ZNF862: variants seen among roughly 807,000 people sequenced by gnomAD.
ZNF862 encodes the protein zinc finger protein 862.
ZNF862 carries 64 observed loss-of-function variants against 91.1 expected under a neutral mutation model. That is an observed-to-expected ratio of 0.70 (90% CI 0.57 to 0.87). The LOEUF is 0.87. ZNF862 is among the 40% of genes least tolerant of loss of function. ZNF862 has a pLI of 0.00. For missense variants in ZNF862, 1,459 were observed against 1,528.0 expected (o/e 0.95, Z 0.75); for synonymous variants, 631 against 618.1 (o/e 1.02, Z -0.31).
At position 149,846,130 on chromosome 7, in the gene ZNF862, CTT is replaced by C. The variant is rs34196240; in HGVS notation, c.137-10_137-9del. 3,915 of 1,321,660 alleles carry C rather than the reference CTT, an allele frequency of 3.0e-3. No individual in the cohort carries two copies. Among genetic ancestry groups the C allele is most frequent in the Admixed American group, 3.8e-3 (193 of 51,428 alleles). 81.9% of individuals were successfully genotyped at this position (1,321,660 alleles called of 1,614,324 possible). A position where few individuals can be genotyped will look rare whatever the true frequency, so the allele number is the denominator to read the frequency against. ...AGTGCTTTTCTCTCTCTCTCGCTCT[CTT>C]TTTTTTTTTTGGACTCAGGACCAAC... On this transcript the variant is annotated intron_variant, in intron 2 of 7. Transcript: ENST00000223210.
intron 4 of ZNF862, among the ~76,000 whole-genome samples, 171 bp from the exon 5 acceptor site, chr7:149,849,990 G>C (rs1171725062): frequency 6.6e-6 from 1 of 152,164 alleles, no homozygotes; most frequent in African/African-American, 2.4e-5. Context: ...ACTAATTCTG[G>C]CCTCCTGAAT....
rs779570740 is a variant in ZNF862, at chr7:149,860,879, TG to T, written c.1720del (p.Asp574ThrfsTer15). On this transcript the variant is annotated frameshift_variant, in exon 7 of 8. Transcript: ENST00000223210. LOFTEE classifies it high-confidence loss of function. ...SIAYHSRPLN[D>X]FEKILQLLQS... ...TTGCATACCACTCAAGGCCCCTGAA[TG>T]ACTTTGAGAAGATCCTGCAGCTCCT... 1 of 1,613,694 alleles carries T rather than the reference TG, an allele frequency of 6.2e-7. No individual in the cohort carries two copies. The highest frequency in any genetic ancestry group is 8.5e-7 in the Non-Finnish European group (1 of 1,179,876).
At chr7:149,844,966 G>A (rs1801821656) in intron 2 of ZNF862, 3 of 484,412 alleles carry the variant, frequency 6.2e-6, no homozygotes, top group Non-Finnish European at 7.5e-6. Context: ...AATCTGGCAG[G>A]CCTGGGCTAG....
Position 149,847,986 on chromosome 7 carries a change from C to G in ZNF862, c.493C>G (p.Arg165Gly), listed in dbSNP as rs758018252. 2 of 1,612,074 alleles carry G rather than the reference C, an allele frequency of 1.2e-6. No homozygotes were observed. The highest frequency in any genetic ancestry group is 1.7e-6 in the Non-Finnish European group (2 of 1,179,030). The change falls in exon 4 of 8, where the codon CGA becomes GGA. Residue 165 changes from arginine to glycine, a missense_variant. Transcript: ENST00000223210. ...EQTALFCSACREYPSIRDKRS... is the reference protein window; with the variant it reads ...EQTALFCSACGEYPSIRDKRS... ...GACGGCTCTGTTCTGCTCTGCTTGC[C>G]GAGAATACCCCTCCATCAGGGACAA...
rs930521431 is a variant in ZNF862, at chr7:149,853,997, C to T, written c.1117+3659C>T. On this transcript the variant is annotated intron_variant, in intron 5 of 7. Coordinates refer to ENST00000223210, the MANE Select transcript of ZNF862 (RefSeq NM_001099220.3). ...GTCCCACCTTTCTCTTTTACAAAGT[C>T]CTGTTCCCCAGAATCTTGTAGCTGT... is the stretch of plus-strand genomic sequence containing the variant. Among the ~76,000 whole-genome samples, 8 of 151,816 alleles carry T rather than the reference C, an allele frequency of 5.3e-5. 1 individual carries two copies. Among genetic ancestry groups the T allele is most frequent in the Admixed American group, 4.6e-4 (7 of 15,254 alleles).
Sources: gnomAD v4.1 joint callset for allele counts (sites outside exome capture counted in the v4.1 genomes callset) on GRCh38, gnomAD v4.1.1 for gene constraint, MANE v1.5 for transcripts, NCBI Gene and HGNC (gene_info 2026-07-23, HGNC 2026-07-21) for gene names.